The following AGBL1 variants were observed in gnomAD, a reference collection of about 807,000 sequenced individuals.
AGBL1 encodes AGBL carboxypeptidase 1.
A neutral mutation model predicts 118.9 loss-of-function variants in AGBL1; 130 were observed. That is an observed-to-expected ratio of 1.09 (90% CI 0.95 to 1.26). The LOEUF (loss-of-function observed/expected upper bound fraction) is 1.26, where lower values mean the gene tolerates loss of function less well. Among genes scored for constraint, AGBL1 ranks in the 50% most tolerant of loss-of-function variants. AGBL1 has a pLI of 0.00. For missense variants in AGBL1, 1,584 were observed against 1,298.1 expected, an observed-to-expected ratio of 1.22 and a Z score of -3.38; for synonymous variants, 555 against 478.9, an observed-to-expected ratio of 1.16 and a Z score of -2.08.
intron 1 of AGBL1, among the ~76,000 whole-genome samples, chr15:86,080,931 G>C (rs1016021577): frequency 6.6e-6 from 1 of 151,110 alleles, no homozygotes; most frequent in Admixed American, 6.6e-5. Flanking sequence ...TGATGGGCTT[G>C]TGGGGGCGGG....
intron 23 of AGBL1, chr15:86,987,942 T>A (rs780475702): frequency 6.3e-7 from 1 of 1,589,014 alleles, no homozygotes; most frequent in Non-Finnish European, 8.6e-7. Context: ...GACACTATGG[T>A]TTATTTTCAC....
At position 86,625,165 on chromosome 15, in the gene AGBL1, G is replaced by T. The variant is rs540568434; in HGVS notation, c.2995-49108G>T. Reference sequence around the variant, plus strand: ...GTCAAGAGACAATGATTTTAGTGTCGGCTCTGCCTCCTTCAAGTTGGGGAC... The same window carrying T: ...GTCAAGAGACAATGATTTTAGTGTCTGCTCTGCCTCCTTCAAGTTGGGGAC... On this transcript the variant is annotated intron_variant, in intron 21 of 22. Coordinates refer to ENST00000614907, the MANE Select transcript of AGBL1 (RefSeq NM_001386094.1). Among the ~76,000 whole-genome samples, 86 of 152,126 alleles carry T rather than the reference G, an allele frequency of 5.7e-4. 1 individual carries two copies. Among genetic ancestry groups the T allele is most frequent in the Middle Eastern group, 6.8e-3 (2 of 294 alleles).
At chr15:86,936,875 A>AT (rs2080682774) in intron 23 of AGBL1, among the ~76,000 whole-genome samples, 1 of 152,178 alleles carries the variant, frequency 6.6e-6, no homozygotes, top group African/African-American at 2.4e-5. Context: ...CAACCTACAA[A>AT]ATGGGAGAAA....
At chr15:86,642,456 C>T (rs1043068662) in intron 21 of AGBL1, among the ~76,000 whole-genome samples, 1 of 151,700 alleles carries the variant, frequency 6.6e-6, no homozygotes, top group East Asian at 1.9e-4. Context: ...TTTCTTCCAG[C>T]GTTTCACTAT....
chr15:86,756,066 C>G (rs917705803), intron 22 of AGBL1, among the ~76,000 whole-genome samples: 5 of 152,070 alleles, frequency 3.3e-5, no homozygotes, highest in Admixed American at 1.3e-4. Flanking sequence ...GCAAATTCCC[C>G]AAGGGGCATG....
At chr15:86,249,867 C>T (rs2078782287) in intron 7 of AGBL1, among the ~76,000 whole-genome samples, 1 of 152,214 alleles carries the variant, frequency 6.6e-6, no homozygotes, top group Non-Finnish European at 1.5e-5. Flanking sequence ...TGAAGCCCAG[C>T]ATGAGGTGCT....
intron 21 of AGBL1, among the ~76,000 whole-genome samples, chr15:86,609,618 C>T (rs1332198960): frequency 2.0e-5 from 3 of 152,296 alleles, no homozygotes; most frequent in African/African-American, 4.8e-5. Context: ...CCCCCAAACA[C>T]CTCATTCTCG....
At chr15:87,028,120 C>CTTCTGT (rs1304591430) in intron 24 of AGBL1, among the ~76,000 whole-genome samples, 2 of 151,726 alleles carry the variant, frequency 1.3e-5, no homozygotes, top group Non-Finnish European at 2.9e-5. Context: ...CCTCTAATAC[C>CTTCTGT]TTCTGTTTCA....
At chr15:86,893,428 A>G (rs1417215054) in intron 22 of AGBL1, among the ~76,000 whole-genome samples, 1 of 152,244 alleles carries the variant, frequency 6.6e-6, no homozygotes, top group Non-Finnish European at 1.5e-5. Context: ...CCCTGTTAGC[A>G]TGCAGAATTA....
intron 19 of AGBL1, among the ~76,000 whole-genome samples, chr15:86,544,657 A>G (rs1365384088): frequency 1.3e-5 from 2 of 152,160 alleles, no homozygotes; most frequent in Non-Finnish European, 2.9e-5. Flanking sequence ...ATTCGCTATC[A>G]GGAGAACAGC....
intron 22 of AGBL1, among the ~76,000 whole-genome samples, chr15:86,828,097 G>C (rs941544868): frequency 6.6e-6 from 1 of 151,120 alleles, no homozygotes; most frequent in East Asian, 2.0e-4. Flanking sequence ...ATGCCACCTT[G>C]CCCAACTAAT....
At chr15:86,796,982 A>G (rs1179627979) in intron 22 of AGBL1, among the ~76,000 whole-genome samples, 3 of 152,192 alleles carry the variant, frequency 2.0e-5, no homozygotes, top group Non-Finnish European at 4.4e-5. Flanking sequence ...TGTACAGAAC[A>G]TGGACTCTGA....
Position 86,353,547 on chromosome 15 carries a change from ATTTC to A in AGBL1, c.2375-43816_2375-43813del, listed in dbSNP as rs562997649. Among the ~76,000 whole-genome samples the A allele has an allele frequency of 1.8e-3, 273 of 152,310 alleles. 1 individual carries two copies. The highest frequency in any genetic ancestry group is 6.3e-3 in the African/African-American group (263 of 41,572). On this transcript the variant is annotated intron_variant, in intron 17 of 22. Coordinates refer to ENST00000614907, the MANE Select transcript of AGBL1 (RefSeq NM_001386094.1). ...GGAGAATGAAATACATGCCATTCCA[ATTTC>A]TTCACATTTAGAAAGATTTTCTAAT...
At chr15:86,956,313 A>G (rs1332886214) in intron 23 of AGBL1, among the ~76,000 whole-genome samples, 1 of 151,820 alleles carries the variant, frequency 6.6e-6, no homozygotes, top group African/African-American at 2.4e-5. Context: ...AGATATAGGT[A>G]GATGATAGAT....
intron 24 of AGBL1, among the ~76,000 whole-genome samples, chr15:86,991,376 C>G (rs2081334437): frequency 6.6e-6 from 1 of 151,856 alleles, no homozygotes; most frequent in Non-Finnish European, 1.5e-5. Flanking sequence ...TTGCCCATTT[C>G]CATCGTTTCC....
chr15:86,383,389 AC>A (rs891370588), intron 17 of AGBL1, among the ~76,000 whole-genome samples: 92 of 151,864 alleles, frequency 6.1e-4, no homozygotes, highest in African/African-American at 1.9e-3. Flanking sequence ...GGAGTTCAAG[AC>A]CAGCCTGACA....
At chr15:87,028,538 T>G (rs1199175246) in intron 24 of AGBL1, among the ~76,000 whole-genome samples, 3 of 151,970 alleles carry the variant, frequency 2.0e-5, no homozygotes. Context: ...AATCATCCAT[T>G]CATTAAAAAA....
chr15:86,138,267 C>A (rs1470266288), intron 1 of AGBL1: 1 of 152,230 alleles, frequency 6.6e-6, no homozygotes, highest in African/African-American at 2.4e-5. Context: ...ACATTCTTTT[C>A]TCCCCTTTCA....
At chr15:86,195,888 C>T (rs1173526808) in intron 5 of AGBL1, among the ~76,000 whole-genome samples, 1 of 152,130 alleles carries the variant, frequency 6.6e-6, no homozygotes, top group Admixed American at 6.5e-5. Flanking sequence ...ATTTCTAAGT[C>T]TATCCAAGCT....
Sources: gnomAD v4.1 joint callset for allele counts (sites outside exome capture counted in the v4.1 genomes callset) on GRCh38, gnomAD v4.1.1 for gene constraint, MANE v1.5 for transcripts, NCBI Gene and HGNC (gene_info 2026-07-23, HGNC 2026-07-21) for gene names.